Variants in BCORL1 observed in about 807,000 individuals in gnomAD.
The protein encoded by BCORL1 is BCL-6 corepressor-like protein 1.
In BCORL1, 7 loss-of-function variants were observed where a neutral mutation model predicts 87.6. That is an observed-to-expected ratio of 0.08 (90% CI 0.05 to 0.15). BCORL1 has a LOEUF of 0.15. BCORL1 is among the 10% of genes least tolerant of loss of function. The pLI is 1.00. For synonymous variants in BCORL1, 591 were observed against 634.4 expected (o/e 0.93, Z 1.03); for missense variants, 1,215 against 1,499.7 (o/e 0.81, Z 3.13).
intron 7 of BCORL1, 83 bp from the exon 8 acceptor site, chrX:130,028,552 C>T: frequency 1.2e-6 from 1 of 868,719 alleles, no homozygotes; most frequent in Non-Finnish European, 1.7e-6. Flanking sequence ...CCCCAAAGTC[C>T]TCTGATTCAT....
intron 1 of BCORL1, among the ~76,000 whole-genome samples, chrX:129,997,894 A>G (rs1411073321): frequency 2.0e-5 from 2 of 102,242 alleles, no homozygotes; most frequent in Non-Finnish European, 3.9e-5. Flanking sequence ...CTGGCTACCT[A>G]CTCTTGGCTG....
At chrX:130,044,498 CTCTTTTT>C (rs1171817529) in intron 11 of BCORL1, among the ~76,000 whole-genome samples, 122 of 109,946 alleles carry the variant, frequency 1.1e-3, no homozygotes, top group Middle Eastern at 4.6e-3. Context: ...AAATCCTTTT[CTCTTTTT>C]TCTTTAATTT....
rs754146955 is a variant in BCORL1, at chrX:130,037,522, G to A, written c.4683G>A (p.Gln1561=). 4 of 1,204,982 alleles carry A rather than the reference G, an allele frequency of 3.3e-6. No homozygotes were observed. The highest frequency in any genetic ancestry group is 4.5e-6 in the Non-Finnish European group (4 of 892,084). ...EHGANVNCSA[Q]DGTRPVHDAV... ...GGGCCAACGTGAACTGCAGTGCGCA[G>A]GACGGCACGAGGCAAGAGGGCTGCA... The change falls in exon 10 of 14, where the codon CAG becomes CAA. Residue 1561 remains glutamine, a synonymous_variant. Transcript: ENST00000540052.
chrX:130,038,480 C>T (rs756634875), intron 10 of BCORL1, among the ~76,000 whole-genome samples: 50 of 103,943 alleles, frequency 4.8e-4, no homozygotes, highest in African/African-American at 1.9e-3. Flanking sequence ...TACAGTTGCC[C>T]CCACCTTTTT....
rs182920424 is a variant in BCORL1 at position 130,004,112 on chromosome X, C to T, written c.-44-1076C>T. On this transcript the variant is annotated intron_variant, in intron 1 of 13. Transcript: ENST00000540052. ...TGGATAAAGGTTTTTCTTGGTGCCTCATTTTTTCTAGAAGGTAAATTAACT... is the reference window on the plus strand; with the variant it reads ...TGGATAAAGGTTTTTCTTGGTGCCTTATTTTTTCTAGAAGGTAAATTAACT... Among the ~76,000 whole-genome samples the T allele has an allele frequency of 1.3e-4, 14 of 110,927 alleles. No homozygotes were observed. The East Asian group carries it at 3.7e-3, about 29-fold the overall frequency.
At chrX:130,029,401 A>G (rs1164940071) in intron 8 of BCORL1, among the ~76,000 whole-genome samples, 2 of 111,195 alleles carry the variant, frequency 1.8e-5, no homozygotes, top group Non-Finnish European at 3.8e-5. Flanking sequence ...ATCAACAGCC[A>G]GGCAAGCATT....
chrX:130,051,811 G>A (rs770454854), intron 12 of BCORL1, 49 bp from the exon 13 acceptor site: 4 of 1,095,976 alleles, frequency 3.6e-6, no homozygotes, highest in Non-Finnish European at 4.9e-6. Flanking sequence ...CTTTTCTTCG[G>A]TTTTGTACAT....
intron 1 of BCORL1, among the ~76,000 whole-genome samples, chrX:129,990,287 A>G (rs1927010706): frequency 9.1e-6 from 1 of 110,468 alleles, no homozygotes; most frequent in Non-Finnish European, 1.9e-5. Flanking sequence ...GCTGGAGTGC[A>G]GTGGCGCTAT....
In BCORL1 at chrX:130,012,650, C is replaced by T; in HGVS notation, c.159C>T (p.Val53=). The change falls in exon 3 of 14, where the codon GTC becomes GTT. Residue 53 remains valine, a synonymous_variant. Coordinates refer to ENST00000540052, the MANE Select transcript of BCORL1 (RefSeq NM_001379451.1). ...CQHFGSQEFC[V]SSSFSKVELT... is the part of the protein sequence containing the mutation. ...ACTTTGGATCTCAGGAGTTTTGTGTCAGCAGCAGTTTTTCCAAGGTAAGAG... is the reference window on the plus strand; with the variant it reads ...ACTTTGGATCTCAGGAGTTTTGTGTTAGCAGCAGTTTTTCCAAGGTAAGAG... 8.3e-7 allele frequency: 1 copy of T among 1,210,807 alleles called. No individual in the cohort carries two copies.
chrX:130,033,946 C>T (rs1930779280), intron 8 of BCORL1, among the ~76,000 whole-genome samples: 2 of 110,583 alleles, frequency 1.8e-5, no homozygotes, highest in Middle Eastern at 4.6e-3. Flanking sequence ...CACACCACTG[C>T]ACTCCAGCCT....
chrX:130,024,671 G>A (rs1569376100), intron 6 of BCORL1, among the ~76,000 whole-genome samples: 1 of 111,511 alleles, frequency 9.0e-6, no homozygotes, highest in Non-Finnish European at 1.9e-5. Flanking sequence ...AGGTGACACT[G>A]TAACGTGGAT....
chrX:130,015,637 C>T lies in BCORL1; in HGVS notation c.2865C>T (p.Ser955=), dbSNP rs773779295. ...RMNQGPEESE[S]HLCSDSTPKM... The stretch of plus-strand genomic sequence containing the variant: ...ATCAGGGGCCTGAGGAATCAGAGAG[C>T]CACCTCTGCTCTGACAGCACTCCTA... The change falls in exon 4 of 14, where the codon AGC becomes AGT. Residue 955 remains serine (S), a synonymous_variant. Coordinates refer to ENST00000540052, the MANE Select transcript of BCORL1 (RefSeq NM_001379451.1). 8.3e-6 allele frequency: 10 copies of T among 1,210,308 alleles called. No individual in the cohort carries two copies. The highest frequency in any genetic ancestry group is 1.1e-5 in the Non-Finnish European group (10 of 895,206).
chrX:130,005,785 T>C (rs1928440390), intron 2 of BCORL1, among the ~76,000 whole-genome samples: 1 of 108,079 alleles, frequency 9.3e-6, no homozygotes, highest in South Asian at 4.1e-4. Context: ...CCGGCTAATT[T>C]TTTTTTTTTT....
chrX:130,013,557 C>T lies in BCORL1; in HGVS notation c.785C>T (p.Pro262Leu), dbSNP rs1929152605. The T allele has an allele frequency of 4.1e-6, 5 of 1,211,607 alleles. No individual in the cohort carries two copies. The highest frequency in any genetic ancestry group is 4.5e-6 in the Non-Finnish European group (4 of 895,501). ...CCTGTCCCGGCTCTGGCTCCAGCGC[C>T]ACCGTCAGTGCCCACGCTCATCTCT... Reference protein sequence around the residue: ...LAPVPALAPAPPSVPTLISDS... With the variant: ...LAPVPALAPALPSVPTLISDS... Residue 262 changes from proline to leucine, a missense_variant, in exon 4 of 14, where the codon CCA becomes CTA. Physicochemically the swap from Pro to Leu is moderately conservative, Grantham distance 98. This residue lies in a region of BCORL1 where 861 missense variants were observed against 1,010.0 expected (regional missense o/e 0.85). Coordinates refer to ENST00000540052, the MANE Select transcript of BCORL1 (RefSeq NM_001379451.1).
Position 130,014,115 on chromosome X carries a change from C to T in BCORL1, c.1343C>T (p.Pro448Leu). 1.7e-6 allele frequency: 2 copies of T among 1,210,798 alleles called. No homozygotes were observed. The highest frequency in any genetic ancestry group is 2.2e-6 in the Non-Finnish European group (2 of 895,112). ...QPGTVLTPSQ[P>L]LVYIPPPSCG... Reference sequence around the variant, plus strand: ...GGGACAGTGCTGACCCCGAGCCAGCCGCTGGTATATATCCCGCCTCCAAGC... The same window carrying T: ...GGGACAGTGCTGACCCCGAGCCAGCTGCTGGTATATATCCCGCCTCCAAGC... The change falls in exon 4 of 14, where the codon CCG becomes CTG. Residue 448 changes from proline to leucine, a missense_variant. By Grantham distance (98) the Pro-to-Leu change is moderately conservative. Coordinates refer to ENST00000540052, the MANE Select transcript of BCORL1 (RefSeq NM_001379451.1).
chrX:130,034,705 C>T (rs1335568428), intron 9 of BCORL1, 29 bp downstream of exon 9: 18 of 935,285 alleles, frequency 1.9e-5, no homozygotes, highest in Admixed American at 1.2e-4. Context: ...GACCACAGGG[C>T]GCCGTTGGTC....
intron 2 of BCORL1, among the ~76,000 whole-genome samples, chrX:130,008,190 G>A (rs760703167): frequency 9.0e-6 from 1 of 110,816 alleles, no homozygotes; most frequent in Non-Finnish European, 1.9e-5. Context: ...AAAGTGCTGG[G>A]ATTACAGGTG....
At chrX:130,051,298 C>A (rs1932057884) in intron 12 of BCORL1, among the ~76,000 whole-genome samples, 1 of 113,001 alleles carries the variant, frequency 8.8e-6, no homozygotes, top group Admixed American at 9.3e-5. Flanking sequence ...TGGTGGTCAT[C>A]TAGCATTCGC....
chrX:130,016,820 G>A (rs1276621890), intron 4 of BCORL1, among the ~76,000 whole-genome samples: 1 of 111,572 alleles, frequency 9.0e-6, no homozygotes, highest in Non-Finnish European at 1.9e-5. Flanking sequence ...TGGGTGTCTG[G>A]GTGTTGGTCT....
Sources: gnomAD v4.1 joint callset for allele counts (sites outside exome capture counted in the v4.1 genomes callset) on GRCh38, gnomAD v4.1.1 for gene constraint, gnomAD v4.1.1 regional missense constraint, MANE v1.5 for transcripts, NCBI Gene and HGNC (gene_info 2026-07-23, HGNC 2026-07-21) for gene names.